The following MYO1H variants were observed in gnomAD, a reference collection of about 807,000 sequenced individuals.
MYO1H encodes the protein unconventional myosin-Ih.
In MYO1H, 118 loss-of-function variants were observed where a neutral mutation model predicts 149.3. That is an observed-to-expected ratio of 0.79 (90% confidence interval 0.68 to 0.92). The LOEUF (loss-of-function observed/expected upper bound fraction) is 0.92. Among genes scored for constraint, MYO1H ranks in the 40% least tolerant of loss-of-function variants. MYO1H has a pLI of 0.00. For missense variants in MYO1H, 1,212 were observed against 1,280.7 expected, an observed-to-expected ratio of 0.95 and a Z score of 0.82; for synonymous variants, 447 against 465.2, an observed-to-expected ratio of 0.96 and a Z score of 0.50.
intron 1 of MYO1H, among the ~76,000 whole-genome samples, chr12:109,386,744 G>A (rs150310429): frequency 3.8e-4 from 58 of 152,166 alleles, no homozygotes; most frequent in African/African-American, 1.1e-3. Flanking sequence ...AATTCTTTGC[G>A]TCTGTATAAT....
chr12:109,399,800 A>C (rs7953941), intron 5 of MYO1H, among the ~76,000 whole-genome samples: 5,020 of 152,044 alleles, frequency 0.033, 286 homozygotes, highest in African/African-American at 0.11. Context: ...CTATAGTCCC[A>C]GTTACTTGGG....
chr12:109,354,926 A>C (rs1372831168), intron 1 of MYO1H, among the ~76,000 whole-genome samples: 2 of 152,262 alleles, frequency 1.3e-5, no homozygotes, highest in African/African-American at 2.4e-5. Flanking sequence ...CAGAAGGAAG[A>C]GAAGAGAACA....
the MYO1H span, among the ~76,000 whole-genome samples, chr12:109,328,361 TTTATC>T: frequency 1.3e-5 from 2 of 151,980 alleles, no homozygotes; most frequent in African/African-American, 4.8e-5. Flanking sequence ...CTCCTTTTAT[TTTATC>T]TTATTTTTTA....
At chr12:109,354,618 TAA>T (rs1555247905) in intron 1 of MYO1H, among the ~76,000 whole-genome samples, 7 of 119,374 alleles carry the variant, frequency 5.9e-5, no homozygotes, top group Non-Finnish European at 5.2e-5. Flanking sequence ...AGACTCTGTC[TAA>T]AAAAAAAAAA....
At chr12:109,426,429 G>C (rs1160662033) in intron 18 of MYO1H, among the ~76,000 whole-genome samples, 1 of 152,176 alleles carries the variant, frequency 6.6e-6, no homozygotes, top group African/African-American at 2.4e-5. Context: ...GGGAGGCTGA[G>C]GTGGGAGGAT....
intron 15 of MYO1H, among the ~76,000 whole-genome samples, chr12:109,416,922 G>A (rs1483283817): frequency 4.6e-5 from 7 of 152,052 alleles, no homozygotes; most frequent in Non-Finnish European, 8.8e-5. Flanking sequence ...CAGGAGAATC[G>A]CTTGAACCTG....
chr12:109,387,399 G>A (rs1487382457), intron 1 of MYO1H, among the ~76,000 whole-genome samples: 1 of 152,102 alleles, frequency 6.6e-6, no homozygotes, highest in Non-Finnish European at 1.5e-5. Flanking sequence ...AGGTTAATTT[G>A]GCTATGCTAG....
chr12:109,318,422 A>C, the MYO1H span, among the ~76,000 whole-genome samples: 10 of 152,130 alleles, frequency 6.6e-5, no homozygotes, highest in Non-Finnish European at 1.3e-4. Flanking sequence ...TCCAAATAAC[A>C]GAGTATGGAG....
chr12:109,397,706 C>G (rs534153947), intron 4 of MYO1H, 26 bp from the exon 5 acceptor site: 41 of 1,586,648 alleles, frequency 2.6e-5, no homozygotes, highest in Non-Finnish European at 3.4e-5. Context: ...GCTTAAATGA[C>G]AGTGAATGAC....
intron 27 of MYO1H, among the ~76,000 whole-genome samples, chr12:109,443,245 T>G (rs1459126102): frequency 3.6e-5 from 5 of 137,046 alleles, no homozygotes. Flanking sequence ...TACGTATATG[T>G]GTGTGTATAT....
chr12:109,312,237 G>A, the MYO1H span, among the ~76,000 whole-genome samples: 2 of 152,176 alleles, frequency 1.3e-5, no homozygotes, highest in East Asian at 3.9e-4. Flanking sequence ...TTTTGAGATG[G>A]AGTCTCGCTC....
the MYO1H span, among the ~76,000 whole-genome samples, chr12:109,327,767 A>G: frequency 6.6e-6 from 1 of 151,158 alleles, no homozygotes; most frequent in East Asian, 2.0e-4. Context: ...AGAAAGAAAA[A>G]AAAGAAAAAG....
intron 27 of MYO1H, among the ~76,000 whole-genome samples, chr12:109,442,994 C>A (rs1592822781): frequency 1.4e-5 from 1 of 70,402 alleles, no homozygotes; most frequent in Admixed American, 1.5e-4. Context: ...TGCAGAGAGC[C>A]AGGAAAAAAA....
intron 5 of MYO1H, among the ~76,000 whole-genome samples, chr12:109,399,591 CAAAAAAA>C (rs34417905): frequency 5.7e-5 from 4 of 70,512 alleles, no homozygotes; most frequent in Non-Finnish European, 7.7e-5. Context: ...GACTCTGTCT[CAAAAAAA>C]AAAAAAAAAA....
intron 13 of MYO1H, 128 bp downstream of exon 13, chr12:109,410,896 C>T (rs1870634727): frequency 6.2e-6 from 4 of 644,206 alleles, no homozygotes; most frequent in African/African-American, 1.8e-5. Context: ...AATTCCAACA[C>T]TTTGGGAGGC....
chr12:109,327,762 G>GAAAA, the MYO1H span, among the ~76,000 whole-genome samples: 1 of 131,278 alleles, frequency 7.6e-6, no homozygotes, highest in East Asian at 2.2e-4. Flanking sequence ...AAAAAAGAAA[G>GAAAA]AAAAAAAAGA....
chr12:109,319,671 C>G, the MYO1H span, among the ~76,000 whole-genome samples: 1 of 152,030 alleles, frequency 6.6e-6, no homozygotes, highest in Non-Finnish European at 1.5e-5. Context: ...AGGTCTATGG[C>G]AAAGTTCTCA....
chr12:109,328,433 C>T, the MYO1H span, among the ~76,000 whole-genome samples: 5 of 152,018 alleles, frequency 3.3e-5, no homozygotes, highest in South Asian at 2.1e-4. Flanking sequence ...TGGGCTCAAG[C>T]GGTCCTCCCA....
chr12:109,341,400 C>T, the MYO1H span, among the ~76,000 whole-genome samples: 1 of 151,990 alleles, frequency 6.6e-6, no homozygotes, highest in Non-Finnish European at 1.5e-5. Flanking sequence ...AGAATTTCTG[C>T]AAAAAATCAG....
Sources: gnomAD v4.1 joint callset for allele counts (sites outside exome capture counted in the v4.1 genomes callset) on GRCh38, gnomAD v4.1.1 for gene constraint, MANE v1.5 for transcripts, NCBI Gene and HGNC (gene_info 2026-07-23, HGNC 2026-07-21) for gene names.